EBF1: variants seen among roughly 807,000 people sequenced by gnomAD.
The protein encoded by EBF1 is transcription factor COE1.
EBF1 carries 10 observed loss-of-function variants against 68.4 expected under a neutral mutation model. That is an observed-to-expected ratio of 0.15 (90% CI 0.09 to 0.25). The LOEUF (loss-of-function observed/expected upper bound fraction) is 0.25, where lower values mean the gene tolerates loss of function less well. Ranked by LOEUF, EBF1 falls within the 10% of genes least tolerant of loss-of-function variation. EBF1 has a pLI of 1.00. For synonymous variants in EBF1, 298 were observed against 299.8 expected (o/e 0.99, Z 0.06); for missense variants, 509 against 794.4 (o/e 0.64, Z 4.32).
At position 158,697,222 on chromosome 5, in the gene EBF1, AT is replaced by A. The variant is rs143756302; in HGVS notation, c.*1888del. The A allele has an allele frequency of 5.6e-4, 107 of 191,494 alleles. No individual in the cohort carries two copies. Among genetic ancestry groups the A allele is most frequent in the Middle Eastern group, 1.9e-3 (1 of 540 alleles). 11.9% of individuals were successfully genotyped at this position (191,494 alleles called of 1,614,324 possible). ...TGTAAGCTTCCAAAGCAAAGGATACATTTTTTTTTAAATCTACTGAACTAAA... is the reference window on the plus strand; with the variant it reads ...TGTAAGCTTCCAAAGCAAAGGATACATTTTTTTTAAATCTACTGAACTAAA... On this transcript the variant is annotated 3_prime_UTR_variant, in exon 16 of 16. Transcript: ENST00000313708.
chr5:158,983,905 T>A (rs1322246806), intron 6 of EBF1: 1 of 148,610 alleles, frequency 6.7e-6, no homozygotes, highest in Non-Finnish European at 1.5e-5. Flanking sequence ...AGAGTGTGTG[T>A]GTGTGTGTGT....
intron 6 of EBF1, among the ~76,000 whole-genome samples, chr5:158,898,164 A>G (rs911191805): frequency 6.6e-6 from 1 of 152,202 alleles, no homozygotes; most frequent in African/African-American, 2.4e-5. Flanking sequence ...CAGCACTGTT[A>G]TTATAGTATA....
intron 6 of EBF1, among the ~76,000 whole-genome samples, chr5:158,917,247 C>T (rs1395243585): frequency 1.3e-5 from 2 of 152,336 alleles, no homozygotes; most frequent in African/African-American, 4.8e-5. Flanking sequence ...ATATTGAAAG[C>T]TGTCTTTGAA....
chr5:158,905,936 T>C (rs181609744), intron 6 of EBF1, among the ~76,000 whole-genome samples: 76 of 152,156 alleles, frequency 5.0e-4, no homozygotes, highest in Non-Finnish European at 9.6e-4. Flanking sequence ...GTCATTTGTA[T>C]GAGATTATTT....
intron 6 of EBF1, among the ~76,000 whole-genome samples, chr5:159,006,750 T>A (rs927118853): frequency 8.1e-5 from 12 of 148,254 alleles, no homozygotes; most frequent in African/African-American, 2.7e-4. Flanking sequence ...CACACTTAAT[T>A]ATACCCAACT....
intron 8 of EBF1, among the ~76,000 whole-genome samples, chr5:158,800,021 G>A (rs753382525): frequency 6.6e-6 from 1 of 152,104 alleles, no homozygotes; most frequent in African/African-American, 2.4e-5. Flanking sequence ...ACTTGCAATT[G>A]TGGCTAAAAC....
At chr5:158,774,268 C>G (rs534061493) in intron 10 of EBF1, among the ~76,000 whole-genome samples, 2 of 152,182 alleles carry the variant, frequency 1.3e-5, no homozygotes, top group Admixed American at 1.3e-4. Flanking sequence ...AGCTTGCAGG[C>G]AATCTGTGCT....
chr5:158,826,864 C>T (rs1258717519), intron 7 of EBF1, among the ~76,000 whole-genome samples: 3 of 152,140 alleles, frequency 2.0e-5, no homozygotes, highest in Non-Finnish European at 4.4e-5. Flanking sequence ...CTGTTATATC[C>T]TTTTCTGGAT....
intron 6 of EBF1, among the ~76,000 whole-genome samples, chr5:158,999,487 C>T (rs540220697): frequency 6.6e-6 from 1 of 152,326 alleles, no homozygotes; most frequent in Non-Finnish European, 1.5e-5. Flanking sequence ...GAACAGAAAG[C>T]TTTCCAAGCA....
At chr5:159,036,324 C>T (rs1049483243) in intron 6 of EBF1, among the ~76,000 whole-genome samples, 2 of 151,764 alleles carry the variant, frequency 1.3e-5, no homozygotes, top group African/African-American at 2.4e-5. Context: ...CATATGGAAC[C>T]AAAAAAGAGC....
At chr5:158,779,296 C>T (rs575608349) in intron 9 of EBF1, among the ~76,000 whole-genome samples, 5 of 152,080 alleles carry the variant, frequency 3.3e-5, no homozygotes, top group Admixed American at 3.3e-4. Flanking sequence ...CAACTTTACC[C>T]TTGTCATAGC....
intron 9 of EBF1, among the ~76,000 whole-genome samples, chr5:158,790,871 A>G (rs1465647431): frequency 6.6e-6 from 1 of 152,196 alleles, no homozygotes; most frequent in Non-Finnish European, 1.5e-5. Flanking sequence ...TGTTTTGATG[A>G]AGTTTAAATA....
chr5:158,901,173 T>C (rs17658268), intron 6 of EBF1, among the ~76,000 whole-genome samples: 19,544 of 152,244 alleles, frequency 0.13, 1,338 homozygotes, highest in African/African-American at 0.14. Context: ...TGGAATAACA[T>C]AGAACAATTC....
intron 9 of EBF1, among the ~76,000 whole-genome samples, chr5:158,783,770 G>A (rs191119057): frequency 4.6e-5 from 7 of 152,310 alleles, no homozygotes; most frequent in Admixed American, 3.9e-4. Flanking sequence ...GTGGTTGAAT[G>A]GGGCCTCTCC....
chr5:158,981,752 G>A (rs759521155), intron 6 of EBF1, among the ~76,000 whole-genome samples: 10 of 152,086 alleles, frequency 6.6e-5, no homozygotes, highest in South Asian at 2.1e-4. Context: ...ACAAAATGGC[G>A]CAAGAAGCTA....
In EBF1 at chr5:158,757,510, T is replaced by A. The variant is rs1191475435; in HGVS notation, c.1036+19903A>T. ...GTGGTATCTCCGGTAACTAACATAC[T>A]GAGGATGATTAATAAATATTTGTTG... On this transcript the variant is annotated intron_variant, in intron 10 of 15. Coordinates refer to ENST00000313708, the MANE Select transcript of EBF1 (RefSeq NM_024007.5). Among the ~76,000 whole-genome samples the A allele has an allele frequency of 2.6e-5, 4 of 152,274 alleles. No individual in the cohort carries two copies. The South Asian group carries it at 8.3e-4, about 32-fold the overall frequency.
intron 6 of EBF1, among the ~76,000 whole-genome samples, chr5:158,869,674 G>A (rs1363660854): frequency 6.6e-6 from 1 of 151,412 alleles, no homozygotes; most frequent in African/African-American, 2.4e-5. Context: ...CAAATCCAAG[G>A]TCTCCCCATC....
intron 6 of EBF1, among the ~76,000 whole-genome samples, chr5:158,990,315 C>T (rs543371479): frequency 4.6e-5 from 7 of 152,312 alleles, no homozygotes; most frequent in South Asian, 4.1e-4. Context: ...ATCCTGGCTC[C>T]GTGAAGCCAG....
chr5:158,758,204 C>T (rs562695693), intron 10 of EBF1, among the ~76,000 whole-genome samples: 1 of 152,180 alleles, frequency 6.6e-6, no homozygotes, highest in Admixed American at 6.5e-5. Flanking sequence ...AAGGTCTTGA[C>T]TCTTGATCCA....
Sources: allele counts gnomAD v4.1 joint callset (sites outside exome capture counted in the v4.1 genomes callset), GRCh38; gene constraint gnomAD v4.1.1; transcripts MANE v1.5; gene names NCBI Gene and HGNC (gene_info 2026-07-23, HGNC 2026-07-21).